PHOSPHO1: variants seen among roughly 807,000 people sequenced by gnomAD.
PHOSPHO1 encodes phosphoethanolamine/phosphocholine phosphatase.
In PHOSPHO1, 6 loss-of-function variants were observed where a neutral mutation model predicts 17.7. That is an observed-to-expected ratio of 0.34 (90% CI 0.19 to 0.67). PHOSPHO1 has a LOEUF of 0.67. Ranked by LOEUF, PHOSPHO1 falls within the 30% of genes least tolerant of loss-of-function variation. The pLI, the probability that PHOSPHO1 is intolerant of heterozygous loss-of-function variation, is 0.69. For missense variants in PHOSPHO1, 330 were observed against 392.1 expected (o/e 0.84, Z 1.34); for synonymous variants, 159 against 174.6 (o/e 0.91, Z 0.71).
rs368735988 is a variant in PHOSPHO1, at chr17:49,226,740, C to T, written c.-49G>A. 1.9e-5 allele frequency: 30 copies of T among 1,607,964 alleles called. No individual in the cohort carries two copies. The highest frequency in any genetic ancestry group is 2.5e-5 in the Non-Finnish European group (29 of 1,174,852). On this transcript the variant is annotated 5_prime_UTR_variant, in exon 2 of 3. Transcript: ENST00000310544. ...CACCTGTAGGGACTCTGTTGGCCTC[C>T]AGCCGTCGTCACACGTTCCTGACAA...
chr17:49,225,179 A>G, intron 2 of PHOSPHO1, 175 bp from the exon 3 acceptor site: 4 of 1,431,112 alleles, frequency 2.8e-6, no homozygotes, highest in Middle Eastern at 4.7e-4. Context: ...ACCCAATGCC[A>G]CCACCTCTAT....
chr17:49,224,920 C>G lies in PHOSPHO1; in HGVS notation c.130G>C (p.Asp44His). The change falls in exon 3 of 3, where the codon GAT becomes CAT. Residue 44 changes from aspartate (D) to histidine (H), a missense_variant. Asp to His is a moderately conservative substitution (Grantham distance 81). Transcript: ENST00000310544. ...CCCGGCGCGGCGCGCACGATCGAAT[C>G]GTCGCTGTTTTCGTCCACGATAGTC... The part of the protein sequence containing the change: ...DETIVDENSD[D>H]SIVRAAPGQR... 6.3e-7 allele frequency: 1 copy of G among 1,597,262 alleles called. No homozygotes were observed.
Position 49,224,884 on chromosome 17 carries a change from G to A in PHOSPHO1, c.166C>T (p.Pro56Ser). Residue 56 changes from proline (P) to serine (S), a missense_variant, in exon 3 of 3, where the codon CCG (proline) becomes TCG (serine). By Grantham distance (74) the Pro-to-Ser change is moderately conservative. Coordinates refer to ENST00000310544, the MANE Select transcript of PHOSPHO1 (RefSeq NM_178500.4). The part of the protein sequence containing the change: ...IVRAAPGQRL[P>S]ESLRATYREG... ...CGGTAGGTGGCTCGCAGGCTCTCCG[G>A]GAGCCGCTGGCCCGGCGCGGCGCGC... 1 of 1,604,616 alleles carries A rather than the reference G, an allele frequency of 6.2e-7. No homozygotes were observed.
intron 1 of PHOSPHO1, among the ~76,000 whole-genome samples, chr17:49,229,643 C>T (rs868152380): frequency 3.3e-5 from 5 of 152,004 alleles, no homozygotes; most frequent in African/African-American, 9.7e-5. Context: ...GATGGGGAGG[C>T]GAGGACTCCA....
chr17:49,224,843 G>T lies in PHOSPHO1; in HGVS notation c.207C>A (p.Asn69Lys). The T allele has an allele frequency of 6.2e-7, 1 of 1,606,698 alleles. No individual in the cohort carries two copies. Among genetic ancestry groups the T allele is most frequent in the Non-Finnish European group, 8.5e-7 (1 of 1,176,892 alleles). ...ACTTGAAGACGCGCTGCATGTACTC[G>T]TTGTAGAAGCCCTCGCGGTAGGTGG... Reference protein sequence around the residue: ...LRATYREGFYNEYMQRVFKYL... With the variant: ...LRATYREGFYKEYMQRVFKYL... Residue 69 changes from asparagine to lysine, a missense_variant, in exon 3 of 3, where the codon AAC becomes AAA. Physicochemically the swap from Asn to Lys is moderately conservative, Grantham distance 94. Transcript: ENST00000310544.
rs1475583164 is a variant in PHOSPHO1 at position 49,225,001 on chromosome 17, C to G, written c.49G>C (p.Gly17Arg). 16 of 1,522,314 alleles carry G rather than the reference C, an allele frequency of 1.1e-5. No individual in the cohort carries two copies. In the East Asian group the frequency reaches 2.2e-4, roughly 21 times the overall value. The allele number at this position is 1,522,314 out of a possible 1,614,324, so 94.3% of individuals were successfully genotyped here. The change falls in exon 3 of 3, where the codon GGC (glycine) becomes CGC (arginine). Residue 17 changes from glycine (G) to arginine (R), a missense_variant. By Grantham distance (125) the Gly-to-Arg change is moderately radical. Transcript: ENST00000310544. ...GGCGCGCCCTGCGCGGCCATCCTGC[C>G]GTCCTGGGAGCAGGGGGGAGAGCAG... is the stretch of plus-strand genomic sequence containing the variant. ...VSGLRCLSRDGRMAAQGAPRF... is the reference protein window; with the variant it reads ...VSGLRCLSRDRRMAAQGAPRF...
intron 2 of PHOSPHO1, chr17:49,225,620 G>A: frequency 7.7e-7 from 1 of 1,292,590 alleles, no homozygotes; most frequent in South Asian, 1.2e-5. Context: ...GGGAGTTTTA[G>A]GGCCCTGTGC....
chr17:49,226,849 G>T, intron 1 of PHOSPHO1, 91 bp from the exon 2 acceptor site: 2 of 736,272 alleles, frequency 2.7e-6, no homozygotes, highest in Non-Finnish European at 4.7e-6. Flanking sequence ...CTTCTGCTGA[G>T]CTACAGGAGG....
intron 1 of PHOSPHO1, among the ~76,000 whole-genome samples, chr17:49,227,731 G>A (rs2043371396): frequency 6.6e-6 from 1 of 152,132 alleles, no homozygotes; most frequent in Non-Finnish European, 1.5e-5. Flanking sequence ...CAGGGTACAG[G>A]CTCTAGCAAT....
chr17:49,227,042 TATC>T (rs1361563869), intron 1 of PHOSPHO1, among the ~76,000 whole-genome samples: 5 of 152,198 alleles, frequency 3.3e-5, no homozygotes, highest in Non-Finnish European at 5.9e-5. Context: ...TTTTCTCTAG[TATC>T]ATCATTGTCC....
At position 49,225,560 on chromosome 17, in the gene PHOSPHO1, T is replaced by G; in HGVS notation, c.46-556A>C. The G allele has an allele frequency of 2.4e-6, 3 of 1,241,230 alleles. No homozygotes were observed. In the South Asian group the frequency reaches 4.1e-5, roughly 17 times the overall value. 76.9% of individuals were successfully genotyped at this position (1,241,230 alleles called of 1,614,324 possible). A position where few individuals can be genotyped will look rare whatever the true frequency, so the allele number is the denominator to read the frequency against. ...TCTATGGCTCTCTGGGAGCTGCTTC[T>G]AGCCCAATGGCACTGAACAGGGGTC... On this transcript the variant is annotated intron_variant, in intron 2 of 2. Transcript: ENST00000310544.
intron 2 of PHOSPHO1, among the ~76,000 whole-genome samples, chr17:49,225,970 C>T (rs550276753): frequency 1.3e-5 from 2 of 151,734 alleles, no homozygotes; most frequent in Admixed American, 6.6e-5. Context: ...TTCCAGGAAG[C>T]GGAGACCTTG....
chr17:49,225,317 AAAG>A (rs2043342489), intron 2 of PHOSPHO1: 1 of 985,450 alleles, frequency 1.0e-6, no homozygotes. Context: ...ACAAGGGTCA[AAAG>A]AAGGGAAGAG....
intron 2 of PHOSPHO1, chr17:49,225,713 C>T (rs544058380): frequency 1.4e-5 from 18 of 1,288,102 alleles, no homozygotes; most frequent in East Asian, 5.6e-5. Context: ...CCGAAGCAAG[C>T]GGGCAGCAGG....
At chr17:49,225,704 C>G in intron 2 of PHOSPHO1, 2 of 1,289,052 alleles carry the variant, frequency 1.6e-6, no homozygotes, top group Non-Finnish European at 2.0e-6. Flanking sequence ...TGCCAGAGTC[C>G]GAAGCAAGCG....
rs761936304 is a variant in PHOSPHO1 at position 49,224,933 on chromosome 17, G to A, written c.117C>T (p.Asp39=). ...LTFDFDETIV[D]ENSDDSIVRA... Reference sequence around the variant, plus strand: ...GCACGATCGAATCGTCGCTGTTTTCGTCCACGATAGTCTCGTCGAAGTCGA... The same window carrying A: ...GCACGATCGAATCGTCGCTGTTTTCATCCACGATAGTCTCGTCGAAGTCGA... The change falls in exon 3 of 3, where the codon GAC becomes GAT. Residue 39 remains aspartate, a synonymous_variant. Coordinates refer to ENST00000310544, the MANE Select transcript of PHOSPHO1 (RefSeq NM_178500.4). 59 of 1,591,900 alleles carry A rather than the reference G, an allele frequency of 3.7e-5. 1 individual carries two copies. The highest frequency in any genetic ancestry group is 3.3e-4 in the Middle Eastern group (2 of 6,036).
In PHOSPHO1 at chr17:49,224,166, T is replaced by G; in HGVS notation, c.*80A>C. 7 of 1,414,618 alleles carry G rather than the reference T, an allele frequency of 4.9e-6. No individual in the cohort carries two copies. Among genetic ancestry groups the G allele is most frequent in the East Asian group, 5.1e-5 (2 of 39,146 alleles). 87.6% of individuals were successfully genotyped at this position (1,414,618 alleles called of 1,614,324 possible). ...TAACAAAGCCAAAGGGAAAAGGGAG[T>G]AGTAAAGCTGTCTTTGCCGAATCTC... On this transcript the variant is annotated 3_prime_UTR_variant, in exon 3 of 3. Transcript: ENST00000310544.
In PHOSPHO1 at chr17:49,224,216, G is replaced by A; in HGVS notation, c.*30C>T. ...CCCTTCCCCGCCCCCTCCGCCGTTG[G>A]CCCGGGTACCCCCCTGCAGGCGGCC... On this transcript the variant is annotated 3_prime_UTR_variant, in exon 3 of 3. Transcript: ENST00000310544. 1 of 1,522,958 alleles carries A rather than the reference G, an allele frequency of 6.6e-7. No individual in the cohort carries two copies. The highest frequency in any genetic ancestry group is 2.1e-5 in the Admixed American group (1 of 47,468). The allele number at this position is 1,522,958 out of a possible 1,614,324, so 94.3% of individuals were successfully genotyped here.
In PHOSPHO1 at chr17:49,226,682, A is replaced by G; in HGVS notation, c.10T>C (p.Cys4Arg). 5 of 1,614,200 alleles carry G rather than the reference A, an allele frequency of 3.1e-6. No individual in the cohort carries two copies. Among genetic ancestry groups the G allele is most frequent in the Non-Finnish European group, 4.2e-6 (5 of 1,180,038 alleles). Residue 4 changes from cysteine to arginine, a missense_variant, in exon 2 of 3, where the codon TGT (cysteine) becomes CGT (arginine). Coordinates refer to ENST00000310544, the MANE Select transcript of PHOSPHO1 (RefSeq NM_178500.4). MSG[C>R]FPVSGLRCLS... ...CAGCGGAGGCCAGAAACTGGAAAAC[A>G]GCCACTCATTGTCGGTGCATTACCG... is the stretch of plus-strand genomic sequence containing the variant.
Sources: gnomAD v4.1 joint callset for allele counts (sites outside exome capture counted in the v4.1 genomes callset) on GRCh38, gnomAD v4.1.1 for gene constraint, MANE v1.5 for transcripts, NCBI Gene and HGNC (gene_info 2026-07-23, HGNC 2026-07-21) for gene names.